Variants in PTPRD observed in about 807,000 individuals in gnomAD.
PTPRD encodes the protein protein tyrosine phosphatase receptor type D.
PTPRD carries 34 observed loss-of-function variants against 214.5 expected under a neutral mutation model. The observed-to-expected ratio is 0.16, with a 90% CI of 0.12 to 0.21. The LOEUF is 0.21. Ranked by LOEUF, PTPRD falls within the 10% of genes least tolerant of loss-of-function variation. The pLI is 1.00. For missense variants in PTPRD, 2,545 were observed against 2,398.7 expected, an observed-to-expected ratio of 1.06 and a Z score of -1.27; for synonymous variants, 1,128 against 845.7, an observed-to-expected ratio of 1.33 and a Z score of -5.79.
At chr9:8,358,277 AT>A (rs112688745) in intron 39 of PTPRD, among the ~76,000 whole-genome samples, 5,221 of 147,104 alleles carry the variant, frequency 0.035, 141 homozygotes, top group African/African-American at 0.07. Context: ...TCCCCCCATC[AT>A]TTTTTTTTTT....
rs187474733 is a variant in PTPRD at position 10,008,452 on chromosome 9, G to T, written c.-472+25266C>A. ...TTTGTTTCACATTTTGACATATAGAGCCTAATTTTAATGCATGTAAATGTT... is the reference window on the plus strand; with the variant it reads ...TTTGTTTCACATTTTGACATATAGATCCTAATTTTAATGCATGTAAATGTT... On this transcript the variant is annotated intron_variant, in intron 4 of 45. Transcript: ENST00000381196. Among the ~76,000 whole-genome samples, 5 of 152,048 alleles carry T rather than the reference G, an allele frequency of 3.3e-5. No homozygotes were observed. The East Asian group carries it at 7.7e-4, about 24-fold the overall frequency.
chr9:9,235,425 G>T lies in PTPRD; in HGVS notation c.-202-52062C>A, dbSNP rs77979435. ...CCTTTGTCCAATTGCACTCCTACAT[G>T]GCTGTCCACTCTTCATGGAATGTAA... On this transcript the variant is annotated intron_variant, in intron 9 of 45. Transcript: ENST00000381196. 8.8e-3 allele frequency among the ~76,000 whole-genome samples: 1,338 copies of T among 152,226 alleles called. 23 individuals are homozygous for T. Among genetic ancestry groups the T allele is most frequent in the African/African-American group, 0.03 (1,260 of 41,528 alleles).
chr9:10,189,066 T>C lies in PTPRD; in HGVS notation c.-545+151897A>G, dbSNP rs1040267684. On this transcript the variant is annotated intron_variant, in intron 3 of 45. Coordinates refer to ENST00000381196, the MANE Select transcript of PTPRD (RefSeq NM_002839.4). ...ATAGAAAGTGTCTTCGCCAACTCTC[T>C]TACCTGTCCAGGCAGCACATCTGAT... is the stretch of plus-strand genomic sequence containing the variant. Among the ~76,000 whole-genome samples, 5 of 152,100 alleles carry C rather than the reference T, an allele frequency of 3.3e-5. No individual in the cohort carries two copies. In the East Asian group the frequency reaches 7.7e-4, roughly 24 times the overall value.
intron 11 of PTPRD, among the ~76,000 whole-genome samples, chr9:8,851,324 C>CT (rs2097807029): frequency 6.6e-6 from 1 of 152,130 alleles, no homozygotes; most frequent in Admixed American, 6.5e-5. Context: ...AAAATTTAGA[C>CT]TTTAGAGAGA....
intron 2 of PTPRD, among the ~76,000 whole-genome samples, chr9:10,407,040 A>G (rs2154502079): frequency 6.6e-6 from 1 of 151,736 alleles, no homozygotes; most frequent in Non-Finnish European, 1.5e-5. Context: ...GTATTTTCTT[A>G]ATGTTTACTT....
At chr9:10,228,923 A>G (rs1329255960) in intron 3 of PTPRD, among the ~76,000 whole-genome samples, 1 of 151,934 alleles carries the variant, frequency 6.6e-6, no homozygotes, top group Non-Finnish European at 1.5e-5. Context: ...AATAGTGTCT[A>G]CTATGGGAGT....
chr9:10,541,003 G>A lies in PTPRD; in HGVS notation c.-600+71395C>T, dbSNP rs929775660. Among the ~76,000 whole-genome samples, 3 of 152,070 alleles carry A rather than the reference G, an allele frequency of 2.0e-5. No homozygotes were observed. The East Asian group carries it at 5.8e-4, about 29-fold the overall frequency. ...CAATTACTCACTCAAGTTCATGCAC[G>A]ATAAAATTGAATCAAGTAAAAAAAG... On this transcript the variant is annotated intron_variant, in intron 2 of 45. Transcript: ENST00000381196.
At chr9:10,504,603 A>T (rs904322767) in intron 2 of PTPRD, among the ~76,000 whole-genome samples, 8 of 152,180 alleles carry the variant, frequency 5.3e-5, no homozygotes, top group African/African-American at 1.9e-4. Context: ...TTGATTTTAC[A>T]TAGCAACTCT....
chr9:10,364,092 C>T (rs540992348), intron 2 of PTPRD, among the ~76,000 whole-genome samples: 4 of 149,904 alleles, frequency 2.7e-5, no homozygotes, highest in East Asian at 4.0e-4. Context: ...CTCCCCCTCC[C>T]GGGTTCATGC....
intron 2 of PTPRD, among the ~76,000 whole-genome samples, chr9:10,407,395 G>C (rs2098381363): frequency 6.6e-6 from 1 of 151,370 alleles, no homozygotes; most frequent in South Asian, 2.1e-4. Flanking sequence ...CTTATGTTGA[G>C]TTTCATTTTA....
chr9:9,925,100 G>C (rs2083809978), intron 5 of PTPRD, among the ~76,000 whole-genome samples: 1 of 152,034 alleles, frequency 6.6e-6, no homozygotes, highest in Admixed American at 6.6e-5. Flanking sequence ...ATTACAGATA[G>C]TGTTATTCAA....
At chr9:9,168,148 G>T (rs62529517) in intron 10 of PTPRD, among the ~76,000 whole-genome samples, 2 of 151,956 alleles carry the variant, frequency 1.3e-5, no homozygotes, top group African/African-American at 4.8e-5. Flanking sequence ...TTTTGTGTAC[G>T]GTTCTTTTCT....
chr9:8,986,142 A>G (rs1020927764), intron 11 of PTPRD, among the ~76,000 whole-genome samples: 3 of 152,060 alleles, frequency 2.0e-5, no homozygotes, highest in Non-Finnish European at 4.4e-5. Flanking sequence ...TCTGCACTTA[A>G]ACTAGATTTT....
intron 2 of PTPRD, among the ~76,000 whole-genome samples, chr9:10,481,726 T>C (rs763997240): frequency 6.6e-6 from 1 of 152,194 alleles, no homozygotes; most frequent in Non-Finnish European, 1.5e-5. Flanking sequence ...AGTGAAAACA[T>C]TTTTTAATTA....
At chr9:9,319,336 T>C (rs894041863) in intron 9 of PTPRD, among the ~76,000 whole-genome samples, 8 of 152,220 alleles carry the variant, frequency 5.3e-5, no homozygotes, top group African/African-American at 1.7e-4. Flanking sequence ...GGTTGAATGT[T>C]AATCTGCTAG....
chr9:8,515,091 G>T (rs1334035820), intron 21 of PTPRD, among the ~76,000 whole-genome samples: 1 of 152,134 alleles, frequency 6.6e-6, no homozygotes. Flanking sequence ...TCAGTCATGG[G>T]TATCTCTTTA....
chr9:10,316,487 G>A (rs2096436791), intron 3 of PTPRD, among the ~76,000 whole-genome samples: 1 of 151,660 alleles, frequency 6.6e-6, no homozygotes, highest in Non-Finnish European at 1.5e-5. Flanking sequence ...AAATAATATT[G>A]GATAAATAAC....
At chr9:9,257,328 G>A (rs967186168) in intron 9 of PTPRD, among the ~76,000 whole-genome samples, 1 of 151,928 alleles carries the variant, frequency 6.6e-6, no homozygotes, top group Non-Finnish European at 1.5e-5. Context: ...ATATTATGAT[G>A]TTGAGTCTGT....
Position 10,248,973 on chromosome 9 carries a change from G to A in PTPRD, c.-545+91990C>T, listed in dbSNP as rs144376077. On this transcript the variant is annotated intron_variant, in intron 3 of 45. Transcript: ENST00000381196. Reference sequence around the variant, plus strand: ...TATTTACCTAAGGGGTCAGTAATACGTAGTAGCCTAGAAGTTTGATCCCCT... The same window carrying A: ...TATTTACCTAAGGGGTCAGTAATACATAGTAGCCTAGAAGTTTGATCCCCT... 4.0e-3 allele frequency among the ~76,000 whole-genome samples: 609 copies of A among 151,814 alleles called. 7 individuals carry two copies. Among genetic ancestry groups the A allele is most frequent in the African/African-American group, 0.013 (554 of 41,400 alleles).
Sources: gnomAD v4.1 joint callset for allele counts (sites outside exome capture counted in the v4.1 genomes callset) on GRCh38, gnomAD v4.1.1 for gene constraint, MANE v1.5 for transcripts, NCBI Gene and HGNC (gene_info 2026-07-23, HGNC 2026-07-21) for gene names.